The following MAGI2 variants were observed in gnomAD, a reference collection of about 807,000 sequenced individuals.
The protein encoded by MAGI2 is membrane associated guanylate kinase, WW and PDZ domain containing 2.
Under a neutral mutation model 133.3 loss-of-function variants are expected in MAGI2, and 35 were observed. The ratio of observed to expected loss-of-function variants is 0.26; its 90% CI spans 0.20 to 0.35. The LOEUF (loss-of-function observed/expected upper bound fraction) is 0.35. MAGI2 is among the 10% of genes least tolerant of loss of function. The pLI, the probability that MAGI2 is intolerant of heterozygous loss-of-function variation, is 1.00. For synonymous variants in MAGI2, 729 were observed against 710.6 expected (o/e 1.03, Z -0.41); for missense variants, 1,636 against 1,863.4 (o/e 0.88, Z 2.25).
chr7:79,018,405 T>C (rs1808952042), intron 1 of MAGI2, among the ~76,000 whole-genome samples: 2 of 152,308 alleles, frequency 1.3e-5, no homozygotes, highest in Admixed American at 1.3e-4. Context: ...AAGTAGCAGT[T>C]ATGAAAAGGA....
chr7:78,372,623 T>A (rs1258800963), intron 6 of MAGI2, among the ~76,000 whole-genome samples: 2 of 152,142 alleles, frequency 1.3e-5, no homozygotes, highest in Non-Finnish European at 2.9e-5. Flanking sequence ...TAATTGAGAT[T>A]TTCTTCAGGC....
At chr7:78,562,934 T>C (rs1310787356) in intron 3 of MAGI2, among the ~76,000 whole-genome samples, 1 of 152,006 alleles carries the variant, frequency 6.6e-6, no homozygotes, top group African/African-American at 2.4e-5. Context: ...CCCATAATTA[T>C]GTATGAAAAT....
At position 79,025,209 on chromosome 7, in the gene MAGI2, G is replaced by T. The variant is rs138234105; in HGVS notation, c.302-18003C>A. Among the ~76,000 whole-genome samples, 215 of 152,264 alleles carry T rather than the reference G, an allele frequency of 1.4e-3. 1 individual carries two copies. Among genetic ancestry groups the T allele is most frequent in the African/African-American group, 4.8e-3 (200 of 41,556 alleles). The stretch of plus-strand genomic sequence containing the variant: ...AGATCATATCTTTTGCAGTACCATG[G>T]ATAGAGTGGGAGGCCATTATCCTAA... On this transcript the variant is annotated intron_variant, in intron 1 of 21. Transcript: ENST00000354212.
intron 1 of MAGI2, among the ~76,000 whole-genome samples, chr7:79,140,907 G>A (rs1822067476): frequency 6.6e-6 from 1 of 152,108 alleles, no homozygotes; most frequent in Non-Finnish European, 1.5e-5. Flanking sequence ...ACATTGTTAA[G>A]AATATTAAGT....
At chr7:78,995,544 A>G (rs535409105) in intron 2 of MAGI2, among the ~76,000 whole-genome samples, 25 of 152,244 alleles carry the variant, frequency 1.6e-4, no homozygotes, top group Admixed American at 1.3e-3. Context: ...CCTTCACTCA[A>G]AAACTTCCCT....
At chr7:79,396,443 G>A (rs1204136884) in intron 1 of MAGI2, among the ~76,000 whole-genome samples, 1 of 152,126 alleles carries the variant, frequency 6.6e-6, no homozygotes, top group East Asian at 1.9e-4. Context: ...GGAATAAAAT[G>A]TAAGGAGGCA....
At chr7:78,613,419 G>T (rs535131955) in intron 3 of MAGI2, among the ~76,000 whole-genome samples, 12 of 152,172 alleles carry the variant, frequency 7.9e-5, no homozygotes, top group African/African-American at 9.6e-5. Flanking sequence ...ATATTAATTT[G>T]TAAGAGCCAG....
intron 9 of MAGI2, among the ~76,000 whole-genome samples, chr7:78,328,530 C>CACA (rs10525463): frequency 8.0e-5 from 10 of 124,780 alleles, no homozygotes; most frequent in African/African-American, 1.9e-4. Flanking sequence ...CACACACACA[C>CACA]CCCTCTCTCT....
intron 17 of MAGI2, chr7:78,134,757 C>A: frequency 3.0e-6 from 1 of 338,164 alleles, no homozygotes; most frequent in South Asian, 7.1e-5. Flanking sequence ...ATTGAATAAC[C>A]TGGCGTCTTG....
At chr7:78,421,237 A>G (rs1320834986) in intron 6 of MAGI2, among the ~76,000 whole-genome samples, 1 of 152,162 alleles carries the variant, frequency 6.6e-6, no homozygotes, top group Non-Finnish European at 1.5e-5. Context: ...AAAAAGATGA[A>G]AAGAATAAAA....
At position 78,458,294 on chromosome 7, in the gene MAGI2, C is replaced by CAAAAAAAAA. The variant is rs11380893; in HGVS notation, c.1045+31458_1045+31466dup. On this transcript the variant is annotated intron_variant, in intron 6 of 21. Coordinates refer to ENST00000354212, the MANE Select transcript of MAGI2 (RefSeq NM_012301.4). ...CTGGAGACAGGGCAAAACTCGGTCT[C>CAAAAAAAAA]AAAAAAAAAAAAAAAGAATAAAAGA... Among the ~76,000 whole-genome samples, 73 of 113,036 alleles carry CAAAAAAAAA rather than the reference C, an allele frequency of 6.5e-4. 2 individuals carry two copies. Among genetic ancestry groups the CAAAAAAAAA allele is most frequent in the African/African-American group, 9.0e-4 (25 of 27,626 alleles). The allele number at this position is 113,036 out of a possible 152,430, so 74.2% of individuals were successfully genotyped here.
intron 2 of MAGI2, among the ~76,000 whole-genome samples, chr7:78,888,352 G>A (rs1421826217): frequency 1.3e-5 from 2 of 152,196 alleles, no homozygotes; most frequent in Non-Finnish European, 2.9e-5. Flanking sequence ...AGACTTCAAT[G>A]TCCCTGTCTG....
chr7:78,857,078 C>A (rs1481519962), intron 2 of MAGI2, among the ~76,000 whole-genome samples: 2 of 152,148 alleles, frequency 1.3e-5, no homozygotes, highest in Non-Finnish European at 2.9e-5. Flanking sequence ...TAAAGGAATG[C>A]TTGTGATTTT....
chr7:78,338,807 G>T (rs1014956664), intron 9 of MAGI2, among the ~76,000 whole-genome samples: 7 of 152,060 alleles, frequency 4.6e-5, no homozygotes, highest in African/African-American at 1.7e-4. Context: ...CCCTATAAAA[G>T]CCTAATAAAA....
chr7:79,197,546 G>A (rs1277304179), intron 1 of MAGI2, among the ~76,000 whole-genome samples: 1 of 152,042 alleles, frequency 6.6e-6, no homozygotes, highest in African/African-American at 2.4e-5. Flanking sequence ...AAGTAGATAT[G>A]TTGGTCTACA....
chr7:78,549,360 A>G (rs183386461), intron 3 of MAGI2, among the ~76,000 whole-genome samples: 1 of 151,894 alleles, frequency 6.6e-6, no homozygotes, highest in East Asian at 1.9e-4. Context: ...TCTTTTGCAT[A>G]TTTCCCAACT....
At chr7:79,314,048 A>G (rs544949022) in intron 1 of MAGI2, among the ~76,000 whole-genome samples, 8 of 152,206 alleles carry the variant, frequency 5.3e-5, no homozygotes, top group African/African-American at 1.4e-4. Context: ...ATCTTGGCTC[A>G]CTGCAACCTC....
chr7:78,852,746 C>T (rs922079337), intron 2 of MAGI2, among the ~76,000 whole-genome samples: 3 of 151,994 alleles, frequency 2.0e-5, no homozygotes, highest in Non-Finnish European at 2.9e-5. Flanking sequence ...ATGCTTAGCC[C>T]TAATTTGGGG....
chr7:78,715,595 T>C (rs1029063778), intron 2 of MAGI2, among the ~76,000 whole-genome samples: 7 of 152,156 alleles, frequency 4.6e-5, no homozygotes, highest in African/African-American at 7.2e-5. Flanking sequence ...AGCAGAATGA[T>C]TAGCCTAATG....
Sources: gnomAD v4.1 joint callset for allele counts (sites outside exome capture counted in the v4.1 genomes callset) on GRCh38, gnomAD v4.1.1 for gene constraint, MANE v1.5 for transcripts, NCBI Gene and HGNC (gene_info 2026-07-23, HGNC 2026-07-21) for gene names.